CACNA1D: variants seen among roughly 807,000 people sequenced by gnomAD.
CACNA1D encodes the protein calcium voltage-gated channel subunit alpha1 D, also known as voltage-dependent L-type calcium channel subunit alpha-1D.
In CACNA1D, 55 loss-of-function variants were observed where a neutral mutation model predicts 257.1. The observed-to-expected ratio is 0.21, with a 90% CI of 0.17 to 0.27. The LOEUF (loss-of-function observed/expected upper bound fraction) is 0.27, where lower values mean the gene tolerates loss of function less well. Ranked by LOEUF, CACNA1D falls within the 10% of genes least tolerant of loss-of-function variation. The pLI, the probability that CACNA1D is intolerant of heterozygous loss-of-function variation, is 1.00. For missense variants in CACNA1D, 1,876 were observed against 2,784.0 expected, an observed-to-expected ratio of 0.67 and a Z score of 7.34; for synonymous variants, 980 against 1,014.9, an observed-to-expected ratio of 0.97 and a Z score of 0.65.
intron 3 of CACNA1D, among the ~76,000 whole-genome samples, chr3:53,543,513 G>T (rs573891645): frequency 2.0e-5 from 3 of 152,306 alleles, no homozygotes; most frequent in African/African-American, 7.2e-5. Flanking sequence ...CCTTGTGTAA[G>T]ACACTCTGGC....
chr3:53,673,827 G>T lies in CACNA1D; in HGVS notation c.1220+701G>T, dbSNP rs377334516. On this transcript the variant is annotated intron_variant, in intron 8 of 47. Coordinates refer to ENST00000350061, the MANE Select transcript of CACNA1D (RefSeq NM_001128840.3). The surrounding 1 kb of genome is among the most constrained non-coding windows in gnomAD (Gnocchi z 4.1). ...TGGTGTCCTTAGTGGGTAAGCAGTC[G>T]GATCCGTGTTGCACCTTCTCCTGCT... is the stretch of plus-strand genomic sequence containing the variant. The T allele has an allele frequency of 1.3e-6, 2 of 1,568,012 alleles. No individual in the cohort carries two copies. Among genetic ancestry groups the T allele is most frequent in the African/African-American group, 2.7e-5 (2 of 73,956 alleles).
At chr3:53,784,938 G>T (rs1485996194) in intron 39 of CACNA1D, among the ~76,000 whole-genome samples, 2 of 152,166 alleles carry the variant, frequency 1.3e-5, no homozygotes, top group Non-Finnish European at 2.9e-5. Flanking sequence ...TAAGGTCCCG[G>T]CTTGACTGAG....
intron 3 of CACNA1D, among the ~76,000 whole-genome samples, chr3:53,597,781 G>C (rs1203230491): frequency 6.6e-6 from 1 of 152,180 alleles, no homozygotes; most frequent in African/African-American, 2.4e-5. Context: ...TGCAACTCCA[G>C]CCTTTCATCT....
chr3:53,552,443 C>T (rs1048547704), intron 3 of CACNA1D, among the ~76,000 whole-genome samples: 4 of 152,132 alleles, frequency 2.6e-5, no homozygotes, highest in African/African-American at 4.8e-5. Context: ...TGCAATTGCA[C>T]AATCTCAGCT....
chr3:53,720,614 CAG>C (rs2094872874), intron 11 of CACNA1D, among the ~76,000 whole-genome samples: 1 of 152,080 alleles, frequency 6.6e-6, no homozygotes, highest in Non-Finnish European at 1.5e-5. Context: ...GGCATTTCAC[CAG>C]AGAAGAGATG....
At chr3:53,674,078 G>C (rs2094350643) in intron 8 of CACNA1D, 1 of 561,806 alleles carries the variant, frequency 1.8e-6, no homozygotes, top group South Asian at 2.0e-5. Flanking sequence ...AACGTGTAGA[G>C]GTGGATTACA....
At chr3:53,617,641 A>G (rs1356189534) in intron 3 of CACNA1D, among the ~76,000 whole-genome samples, 2 of 152,142 alleles carry the variant, frequency 1.3e-5, no homozygotes, top group African/African-American at 4.8e-5. Context: ...AGCATGGGCG[A>G]CTTAGTTCAC....
intron 3 of CACNA1D, among the ~76,000 whole-genome samples, chr3:53,626,425 G>T (rs537276381): frequency 6.6e-6 from 1 of 152,296 alleles, no homozygotes; most frequent in African/African-American, 2.4e-5. Context: ...AACAGGTGCC[G>T]TGTGCATTGG....
chr3:53,665,527 A>G (rs554414952), intron 5 of CACNA1D, 133 bp from the exon 6 acceptor site: 1 of 736,044 alleles, frequency 1.4e-6, no homozygotes, highest in East Asian at 2.6e-5. Context: ...AATATTAATG[A>G]AAAGCTTTGA....
chr3:53,737,779 T>TGC (rs2095073366), intron 20 of CACNA1D, among the ~76,000 whole-genome samples: 1 of 152,222 alleles, frequency 6.6e-6, no homozygotes, highest in Non-Finnish European at 1.5e-5. Context: ...ACTGAGATCA[T>TGC]GCCATTGCAT....
intron 15 of CACNA1D, among the ~76,000 whole-genome samples, chr3:53,729,294 G>T (rs955905748): frequency 6.6e-6 from 1 of 152,160 alleles, no homozygotes; most frequent in Non-Finnish European, 1.5e-5. Context: ...TTAGTCAGGC[G>T]TGCTATTCCC....
At chr3:53,638,129 C>T (rs1328257592) in intron 3 of CACNA1D, among the ~76,000 whole-genome samples, 1 of 152,232 alleles carries the variant, frequency 6.6e-6, no homozygotes. Context: ...CTGTTCTCCA[C>T]TGACCCACAG....
chr3:53,644,657 T>G (rs546340911), intron 3 of CACNA1D, among the ~76,000 whole-genome samples: 22 of 152,332 alleles, frequency 1.4e-4, no homozygotes, highest in Admixed American at 8.5e-4. Context: ...ATTTCCTTCT[T>G]TTTAAAGGCT....
At chr3:53,578,509 C>T (rs2093077120) in intron 3 of CACNA1D, among the ~76,000 whole-genome samples, 1 of 152,068 alleles carries the variant, frequency 6.6e-6, no homozygotes, top group African/African-American at 2.4e-5. Context: ...TTTAAGGGGT[C>T]GAGTGAGGGC....
rs74564291 is a variant in CACNA1D at position 53,695,196 on chromosome 3, C to G, written c.1221-7445C>G. ...CCCCGTGGAGGAGGTGCTGGGGAGG[C>G]TGGAGTCGCAGCAGCAGCTGAAAGG... On this transcript the variant is annotated intron_variant, in intron 8 of 47. Transcript: ENST00000350061. Among the ~76,000 whole-genome samples, 72 of 152,270 alleles carry G rather than the reference C, an allele frequency of 4.7e-4. 2 individuals carry two copies. In the East Asian group the frequency reaches 0.011, roughly 22 times the overall value.
chr3:53,521,962 CAA>C (rs34352856), intron 3 of CACNA1D, among the ~76,000 whole-genome samples: 19 of 125,422 alleles, frequency 1.5e-4, no homozygotes, highest in Admixed American at 2.4e-4. Context: ...CCATCTCTAC[CAA>C]AAAAAAAAAA....
At chr3:53,511,336 A>G (rs1253886338) in intron 3 of CACNA1D, among the ~76,000 whole-genome samples, 1 of 152,160 alleles carries the variant, frequency 6.6e-6, no homozygotes, top group East Asian at 1.9e-4. Flanking sequence ...AATTGGCCTC[A>G]AGGTTTCCCA....
chr3:53,746,718 T>C (rs1170449113), intron 25 of CACNA1D, among the ~76,000 whole-genome samples: 1 of 152,156 alleles, frequency 6.6e-6, no homozygotes, highest in African/African-American at 2.4e-5. Flanking sequence ...GAGGACACTG[T>C]TTCTTCCCTC....
intron 30 of CACNA1D, among the ~76,000 whole-genome samples, chr3:53,766,562 C>G (rs755335992): frequency 1.3e-5 from 2 of 152,246 alleles, no homozygotes; most frequent in Non-Finnish European, 2.9e-5. Context: ...ATTGATTTCA[C>G]TTGGGAACCT....
Sources: gnomAD v4.1 joint callset for allele counts (sites outside exome capture counted in the v4.1 genomes callset) on GRCh38, gnomAD v4.1.1 for gene constraint, Gnocchi (gnomAD v3.1) non-coding constraint, MANE v1.5 for transcripts, NCBI Gene and HGNC (gene_info 2026-07-23, HGNC 2026-07-21) for gene names.